Variants in KIAA0825 observed in about 807,000 individuals in gnomAD.
The protein encoded by KIAA0825 is KIAA0825.
KIAA0825 carries 119 observed loss-of-function variants against 147.6 expected under a neutral mutation model. That is an observed-to-expected ratio of 0.81 (90% CI 0.69 to 0.94). The LOEUF is 0.94. KIAA0825 is among the 40% of genes least tolerant of loss of function. The pLI, the probability that KIAA0825 is intolerant of heterozygous loss-of-function variation, is 0.00. For synonymous variants in KIAA0825, 470 were observed against 518.1 expected (o/e 0.91, Z 1.26); for missense variants, 1,381 against 1,472.7 (o/e 0.94, Z 1.02).
intron 2 of KIAA0825, chr5:94,570,467 T>G (rs984594477): frequency 1.3e-5 from 2 of 152,494 alleles, no homozygotes; most frequent in Non-Finnish European, 2.9e-5. Context: ...ACTCCACATA[T>G]CCAAACAACA....
intron 2 of KIAA0825, among the ~76,000 whole-genome samples, chr5:94,557,725 C>T (rs1776809112): frequency 6.6e-6 from 1 of 152,158 alleles, no homozygotes; most frequent in Admixed American, 6.5e-5. Flanking sequence ...GAGAGCACAG[C>T]AGGAGGGACA....
At chr5:94,511,618 G>A (rs975151780) in intron 5 of KIAA0825, among the ~76,000 whole-genome samples, 1 of 152,062 alleles carries the variant, frequency 6.6e-6, no homozygotes, top group African/African-American at 2.4e-5. Context: ...GCGAGACTCT[G>A]TCTCAAAGAA....
intron 2 of KIAA0825, among the ~76,000 whole-genome samples, chr5:94,580,149 A>G (rs1781811720): frequency 1.3e-5 from 2 of 152,306 alleles, no homozygotes; most frequent in East Asian, 3.9e-4. Context: ...AAAAATAAAG[A>G]CATAGAAGGA....
In KIAA0825 at chr5:94,152,853, AAAT is replaced by A. The variant is rs1766641682; in HGVS notation, c.*1151_*1153del. On this transcript the variant is annotated 3_prime_UTR_variant, in exon 21 of 21. Coordinates refer to ENST00000682413, the MANE Select transcript of KIAA0825 (RefSeq NM_001145678.3). The stretch of plus-strand genomic sequence containing the variant: ...AAAAAAAAAAAAAAAAAAAAAAAAA[AAAT>A]TATATATATATATATATATATATAT... The A allele has an allele frequency of 1.7e-4, 2 of 12,056 alleles. No homozygotes were observed. Among genetic ancestry groups the A allele is most frequent in the African/African-American group, 5.2e-4 (2 of 3,820 alleles). 0.7% of individuals were successfully genotyped at this position (12,056 alleles called of 1,614,324 possible). A position where few individuals can be genotyped will look rare whatever the true frequency, so the allele number is the denominator to read the frequency against.
intron 2 of KIAA0825, among the ~76,000 whole-genome samples, chr5:94,562,066 T>G (rs1777650378): frequency 6.6e-6 from 1 of 152,168 alleles, no homozygotes; most frequent in South Asian, 2.1e-4. Flanking sequence ...TGTGATACCT[T>G]AAAATGCTTT....
intron 13 of KIAA0825, among the ~76,000 whole-genome samples, chr5:94,445,216 G>C (rs925818528): frequency 2.6e-5 from 4 of 152,200 alleles, no homozygotes; most frequent in Admixed American, 6.6e-5. Context: ...CAGTAAGAAA[G>C]TGGTTCAATA....
chr5:94,295,571 G>T (rs1485341876), intron 20 of KIAA0825, among the ~76,000 whole-genome samples: 2 of 152,150 alleles, frequency 1.3e-5, no homozygotes, highest in Non-Finnish European at 2.9e-5. Context: ...TCTACCTTTT[G>T]TTTTTGATGT....
intron 3 of KIAA0825, among the ~76,000 whole-genome samples, chr5:94,527,532 T>A (rs1345921012): frequency 6.6e-6 from 1 of 151,954 alleles, no homozygotes; most frequent in Non-Finnish European, 1.5e-5. Context: ...TAAATCAGGA[T>A]AGATGCCTCA....
chr5:94,429,858 G>T (rs1161012013), intron 14 of KIAA0825, among the ~76,000 whole-genome samples: 1 of 152,194 alleles, frequency 6.6e-6, no homozygotes, highest in Non-Finnish European at 1.5e-5. Flanking sequence ...TATGGGGATG[G>T]CCTAAACTTG....
intron 20 of KIAA0825, among the ~76,000 whole-genome samples, chr5:94,322,769 A>G (rs894615366): frequency 1.3e-5 from 2 of 151,926 alleles, no homozygotes; most frequent in African/African-American, 4.8e-5. Context: ...CAAAGTTGCT[A>G]GAATTCTTTT....
intron 20 of KIAA0825, among the ~76,000 whole-genome samples, chr5:94,189,525 G>T (rs1770469457): frequency 6.6e-6 from 1 of 152,082 alleles, no homozygotes; most frequent in Non-Finnish European, 1.5e-5. Context: ...TTATTGAAAA[G>T]ACTGTTTTTT....
intron 2 of KIAA0825, 110 bp from the exon 3 acceptor site, chr5:94,537,237 T>A (rs1362560254): frequency 4.3e-6 from 3 of 698,370 alleles, no homozygotes; most frequent in Non-Finnish European, 7.2e-6. Flanking sequence ...AAATAGTAAT[T>A]CCTATTTACA....
At chr5:94,545,226 G>A (rs1266185364) in intron 2 of KIAA0825, among the ~76,000 whole-genome samples, 3 of 152,104 alleles carry the variant, frequency 2.0e-5, no homozygotes, top group African/African-American at 7.2e-5. Flanking sequence ...CTCTGCAATC[G>A]TTGCCACCAC....
intron 1 of KIAA0825, among the ~76,000 whole-genome samples, chr5:94,584,022 C>T (rs1040535290): frequency 2.0e-4 from 30 of 152,154 alleles, no homozygotes; most frequent in African/African-American, 7.2e-4. Context: ...ACACCAAAAC[C>T]TCATCCGTAG....
intron 1 of KIAA0825, chr5:94,594,816 G>T: frequency 2.2e-6 from 1 of 455,258 alleles, no homozygotes; most frequent in African/African-American, 2.1e-5. Context: ...TAAAATGAGT[G>T]TTATCATGTG....
intron 20 of KIAA0825, among the ~76,000 whole-genome samples, chr5:94,379,031 G>A (rs928350785): frequency 9.9e-5 from 15 of 152,200 alleles, no homozygotes; most frequent in Non-Finnish European, 2.1e-4. Flanking sequence ...TAGTTTGCAA[G>A]TATTTTCTCC....
intron 3 of KIAA0825, among the ~76,000 whole-genome samples, chr5:94,529,600 T>C (rs1354469043): frequency 6.6e-6 from 1 of 151,882 alleles, no homozygotes; most frequent in Admixed American, 6.6e-5. Context: ...AATTACACAA[T>C]TATTTATCAA....
At chr5:94,214,669 C>G (rs1773046244) in intron 20 of KIAA0825, among the ~76,000 whole-genome samples, 1 of 152,168 alleles carries the variant, frequency 6.6e-6, no homozygotes, top group South Asian at 2.1e-4. Flanking sequence ...CTTCATGGCT[C>G]CTAGTGGCTT....
At chr5:94,402,386 T>C (rs1356995370) in intron 16 of KIAA0825, among the ~76,000 whole-genome samples, 1 of 151,914 alleles carries the variant, frequency 6.6e-6, no homozygotes, top group Non-Finnish European at 1.5e-5. Flanking sequence ...ATCCAAAAGC[T>C]AGAACAAAGG....
Sources: allele counts gnomAD v4.1 joint callset (sites outside exome capture counted in the v4.1 genomes callset), GRCh38; gene constraint gnomAD v4.1.1; transcripts MANE v1.5; gene names NCBI Gene and HGNC (gene_info 2026-07-23, HGNC 2026-07-21).